HAO2: variants seen among roughly 807,000 people sequenced by gnomAD.
HAO2 encodes 2-Hydroxyacid oxidase 2.
HAO2 carries 42 observed loss-of-function variants against 37.4 expected under a neutral mutation model. The ratio of observed to expected loss-of-function variants is 1.12; its 90% CI spans 0.88 to 1.45. The LOEUF is 1.45. HAO2 is among the 40% of genes most tolerant of loss of function. HAO2 has a pLI of 0.00. For missense variants in HAO2, 476 were observed against 430.2 expected (o/e 1.11, Z -0.94); for synonymous variants, 180 against 162.8 (o/e 1.11, Z -0.81).
intron 1 of HAO2, chr1:119,380,753 A>G (rs752898322): frequency 1.8e-5 from 26 of 1,471,800 alleles, no homozygotes; most frequent in African/African-American, 1.4e-5. Flanking sequence ...ATTTTTTGTA[A>G]TAAGCTTTTA....
intron 1 of HAO2, among the ~76,000 whole-genome samples, chr1:119,379,061 C>A (rs1269408517): frequency 6.6e-6 from 1 of 152,100 alleles, no homozygotes; most frequent in African/African-American, 2.4e-5. Context: ...GCTCTGGCAG[C>A]AAAATCTGGA....
chr1:119,389,837 G>A (rs1297683133), intron 5 of HAO2, among the ~76,000 whole-genome samples: 1 of 152,018 alleles, frequency 6.6e-6, no homozygotes, highest in African/African-American at 2.4e-5. Context: ...ATTTGCTTTT[G>A]GGTTCGTGGT....
At chr1:119,381,832 C>T (rs922776642) in intron 2 of HAO2, among the ~76,000 whole-genome samples, 2 of 152,120 alleles carry the variant, frequency 1.3e-5, no homozygotes, top group African/African-American at 4.8e-5. Flanking sequence ...ATTTGTAATA[C>T]ATAAAAATTA....
intron 7 of HAO2, among the ~76,000 whole-genome samples, chr1:119,393,105 C>G (rs1185486463): frequency 6.6e-6 from 1 of 152,086 alleles, no homozygotes; most frequent in African/African-American, 2.4e-5. Flanking sequence ...GTGCACACAT[C>G]ATAAATATGG....
rs1651124598 is a variant in HAO2 at position 119,393,914 on chromosome 1, G to T, written c.*74G>T. 6.2e-7 allele frequency: 1 copy of T among 1,607,824 alleles called. No homozygotes were observed. The highest frequency in any genetic ancestry group is 1.1e-5 in the South Asian group (1 of 90,850). On this transcript the variant is annotated 3_prime_UTR_variant, in exon 8 of 8. Coordinates refer to ENST00000325945, the MANE Select transcript of HAO2 (RefSeq NM_016527.4). Reference sequence around the variant, plus strand: ...ACAAACTCACAGCACAGTGTGTGATGCTGTCCTTCCTGGACCCCATTCTGT... The same window carrying T: ...ACAAACTCACAGCACAGTGTGTGATTCTGTCCTTCCTGGACCCCATTCTGT...
At chr1:119,381,892 A>C (rs886101356) in intron 2 of HAO2, among the ~76,000 whole-genome samples, 1 of 152,232 alleles carries the variant, frequency 6.6e-6, no homozygotes, top group East Asian at 1.9e-4. Context: ...TTTTAACACA[A>C]CCATGCTCAG....
intron 5 of HAO2, among the ~76,000 whole-genome samples, chr1:119,391,898 C>G (rs1238673826): frequency 2.6e-5 from 4 of 152,138 alleles, no homozygotes; most frequent in Admixed American, 2.6e-4. Context: ...CAGAGAGAAG[C>G]TAGACTGGAG....
At position 119,392,064 on chromosome 1, in the gene HAO2, G is replaced by A. The variant is rs772032810; in HGVS notation, c.772-46G>A. The A allele has an allele frequency of 3.9e-6, 6 of 1,540,486 alleles. No individual in the cohort carries two copies. In the African/African-American group the frequency reaches 6.9e-5, roughly 18 times the overall value. On this transcript the variant is annotated intron_variant, in intron 5 of 7. Transcript: ENST00000325945. ...CATATGCCAGGAAGACCAAGTCTGA[G>A]AGTCAAAATAGAAAGCCCTCCAGCC...
rs774922676 is a variant in HAO2 at position 119,383,066 on chromosome 1, G to A, written c.283G>A (p.Ala95Thr). The A allele has an allele frequency of 4.0e-5, 64 of 1,610,212 alleles. No homozygotes were observed. In the Middle Eastern group the frequency reaches 4.9e-4, roughly 12 times the overall value. ...TGATGGGGAAATGAGCACAGCAAGA[G>A]GTATGAACCATCCCCACCTCGAGGC... ...WPDGEMSTAR[A>T]AQAAGICYIT... The change falls in exon 3 of 8, where the codon GCT (alanine) becomes ACT (threonine). Residue 95 changes from alanine (A) to threonine (T), a missense_variant and splice_region_variant. Transcript: ENST00000325945.
At chr1:119,375,808 T>C (rs1371962935) in intron 1 of HAO2, among the ~76,000 whole-genome samples, 1 of 152,168 alleles carries the variant, frequency 6.6e-6, no homozygotes, top group Non-Finnish European at 1.5e-5. Context: ...CTGCCCTTTA[T>C]AAGACCATCG....
intron 5 of HAO2, among the ~76,000 whole-genome samples, chr1:119,391,726 C>T (rs1650919373): frequency 6.6e-6 from 1 of 152,076 alleles, no homozygotes; most frequent in Non-Finnish European, 1.5e-5. Flanking sequence ...GAGAGCCTTT[C>T]TAGTTGTGCC....
Position 119,381,164 on chromosome 1 carries a change from G to A in HAO2, c.79G>A (p.Gly27Ser). 6.2e-7 allele frequency: 1 copy of A among 1,610,632 alleles called. No individual in the cohort carries two copies. The highest frequency in any genetic ancestry group is 2.2e-5 in the East Asian group (1 of 44,860). The change falls in exon 2 of 8, where the codon GGT becomes AGT. Residue 27 changes from glycine (G) to serine (S), a missense_variant. Coordinates refer to ENST00000325945, the MANE Select transcript of HAO2 (RefSeq NM_016527.4). ...TAAGTCAACTCGGGATTTTATTGAAGGTGGAGCAGATGACAGCATCACGCG... is the reference window on the plus strand; with the variant it reads ...TAAGTCAACTCGGGATTTTATTGAAAGTGGAGCAGATGACAGCATCACGCG... Reference protein sequence around the residue: ...LSKSTRDFIEGGADDSITRDD... With the variant: ...LSKSTRDFIESGADDSITRDD...
chr1:119,388,255 C>T (rs752246560), intron 5 of HAO2, among the ~76,000 whole-genome samples: 4 of 152,108 alleles, frequency 2.6e-5, no homozygotes, highest in African/African-American at 4.8e-5. Context: ...GAGCAGAAGG[C>T]AATGAAGAGC....
chr1:119,381,344 T>C, intron 2 of HAO2, 128 bp downstream of exon 2: 1 of 728,904 alleles, frequency 1.4e-6, no homozygotes, highest in Non-Finnish European at 2.4e-6. Flanking sequence ...ATGTGGATGA[T>C]TTTGTTGTTG....
In HAO2 at chr1:119,385,904, G is replaced by A. The variant is rs1650345186; in HGVS notation, c.562-718G>A. On this transcript the variant is annotated intron_variant, in intron 4 of 7. Transcript: ENST00000325945. ...CATGGTGAGCCAAGAGTAAATATTGGGTAATAACTGATTTAGTATTGCTTA... is the reference window on the plus strand; with the variant it reads ...CATGGTGAGCCAAGAGTAAATATTGAGTAATAACTGATTTAGTATTGCTTA... 5.1e-6 allele frequency: 5 copies of A among 982,368 alleles called. No homozygotes were observed. The South Asian group carries it at 2.4e-4, about 46-fold the overall frequency. 60.9% of individuals were successfully genotyped at this position (982,368 alleles called of 1,614,324 possible).
At chr1:119,386,482 A>G (rs976568564) in intron 4 of HAO2, 140 bp from the exon 5 acceptor site, 1 of 630,170 alleles carries the variant, frequency 1.6e-6, no homozygotes. Context: ...CTGGGATTAC[A>G]GGCATGAGCC....
chr1:119,391,922 T>G (rs1320283294), intron 5 of HAO2, among the ~76,000 whole-genome samples, 188 bp from the exon 6 acceptor site: 2 of 152,044 alleles, frequency 1.3e-5, no homozygotes, highest in African/African-American at 4.8e-5. Context: ...AAGCAGAAAG[T>G]CAAGGCAGGA....
chr1:119,392,088 C>T, intron 5 of HAO2, 22 bp from the exon 6 acceptor site: 1 of 1,601,008 alleles, frequency 6.2e-7, no homozygotes, highest in African/African-American at 1.3e-5. Flanking sequence ...AGCCCTCCAG[C>T]CCATGTGTAT....
At chr1:119,381,443 C>T (rs892075782) in intron 2 of HAO2, among the ~76,000 whole-genome samples, 1 of 152,134 alleles carries the variant, frequency 6.6e-6, no homozygotes, top group Admixed American at 6.5e-5. Context: ...GTGAGTCATT[C>T]TCCTTCATCT....
Sources: gnomAD v4.1 joint callset for allele counts (sites outside exome capture counted in the v4.1 genomes callset) on GRCh38, gnomAD v4.1.1 for gene constraint, MANE v1.5 for transcripts, NCBI Gene and HGNC (gene_info 2026-07-23, HGNC 2026-07-21) for gene names.